The following AKAP13 variants were observed in gnomAD, a reference collection of about 807,000 sequenced individuals.
The protein encoded by AKAP13 is A-kinase anchor protein 13.
In AKAP13, 80 loss-of-function variants were observed where a neutral mutation model predicts 264.5. That is an observed-to-expected ratio of 0.30 (90% CI 0.25 to 0.36). The LOEUF is 0.36. Among genes scored for constraint, AKAP13 ranks in the 10% least tolerant of loss-of-function variants. AKAP13 has a pLI of 1.00. For synonymous variants in AKAP13, 1,380 were observed against 1,250.2 expected, an observed-to-expected ratio of 1.10 and a Z score of -2.19; for missense variants, 3,712 against 3,435.2, an observed-to-expected ratio of 1.08 and a Z score of -2.01.
intron 12 of AKAP13, among the ~76,000 whole-genome samples, chr15:85,660,352 C>CAAAAAA (rs35636118): frequency 1.5e-5 from 1 of 68,544 alleles, no homozygotes. Context: ...ATCTAAGTCT[C>CAAAAAA]AAAAAAAAAA....
At chr15:85,570,172 C>T (rs952402688) in intron 5 of AKAP13, among the ~76,000 whole-genome samples, 2 of 151,632 alleles carry the variant, frequency 1.3e-5, no homozygotes, top group Non-Finnish European at 2.9e-5. Flanking sequence ...AGTAGGAGGC[C>T]GGGTGTGGTG....
chr15:85,465,143 C>T (rs531706368), intron 1 of AKAP13, among the ~76,000 whole-genome samples: 64 of 143,328 alleles, frequency 4.5e-4, no homozygotes, highest in Non-Finnish European at 8.7e-4. Context: ...TTAGTAGAGA[C>T]GGGGTTTCAT....
At chr15:85,446,014 T>G (rs2073886474) in intron 1 of AKAP13, among the ~76,000 whole-genome samples, 1 of 152,216 alleles carries the variant, frequency 6.6e-6, no homozygotes, top group African/African-American at 2.4e-5. Context: ...CTTTTTTCTA[T>G]TTATTTTGAT....
intron 8 of AKAP13, among the ~76,000 whole-genome samples, chr15:85,601,281 A>G (rs1002374207): frequency 2.0e-5 from 3 of 152,216 alleles, no homozygotes; most frequent in Non-Finnish European, 4.4e-5. Context: ...AGTTAACTTC[A>G]TTAGCACATA....
chr15:85,391,317 AGTGGAAAG>A (rs2070843073), intron 1 of AKAP13, among the ~76,000 whole-genome samples: 1 of 152,206 alleles, frequency 6.6e-6, no homozygotes, highest in Admixed American at 6.5e-5. Context: ...TATTGGTGAT[AGTGGAAAG>A]ATAATGACGT....
intron 2 of AKAP13, among the ~76,000 whole-genome samples, chr15:85,495,270 A>G (rs2075839011): frequency 6.6e-6 from 1 of 152,076 alleles, no homozygotes; most frequent in African/African-American, 2.4e-5. Flanking sequence ...TGTTAGAATA[A>G]TGTTCTTTAC....
At chr15:85,619,762 C>T (rs144050745) in intron 8 of AKAP13, 15 of 1,048,102 alleles carry the variant, frequency 1.4e-5, no homozygotes, top group Admixed American at 5.4e-5. Context: ...GTGATGGAAA[C>T]GGTGTTTGCT....
intron 30 of AKAP13, among the ~76,000 whole-genome samples, chr15:85,732,638 C>T (rs1368991627): frequency 6.7e-6 from 1 of 150,104 alleles, no homozygotes; most frequent in African/African-American, 2.4e-5. Flanking sequence ...TCCTTTCTTT[C>T]ACATTGCAAA....
intron 1 of AKAP13, among the ~76,000 whole-genome samples, chr15:85,383,506 G>A (rs2070395921): frequency 6.6e-6 from 1 of 152,172 alleles, no homozygotes; most frequent in Non-Finnish European, 1.5e-5. Context: ...CATGACTTAA[G>A]CATTCTTAAA....
At chr15:85,569,955 T>A (rs1296945018) in intron 5 of AKAP13, among the ~76,000 whole-genome samples, 5 of 151,584 alleles carry the variant, frequency 3.3e-5, no homozygotes, top group Non-Finnish European at 7.4e-5. Flanking sequence ...CGGGCGCCTG[T>A]AGTCCCAGCT....
rs189911761 is a variant in AKAP13, at chr15:85,624,026, G to A, written c.4162-15348G>A. Among the ~76,000 whole-genome samples the A allele has an allele frequency of 2.8e-3, 420 of 152,324 alleles. 2 individuals are homozygous for A. Among genetic ancestry groups the A allele is most frequent in the Non-Finnish European group, 4.5e-3 (309 of 68,038 alleles). On this transcript the variant is annotated intron_variant, in intron 8 of 36. Coordinates refer to ENST00000394518, the MANE Select transcript of AKAP13 (RefSeq NM_007200.5). ...TCAGTAGCCAACTTTAGCTCATGGTGAGCATTACTAGAGGACAGCAGGTAT... is the reference window on the plus strand; with the variant it reads ...TCAGTAGCCAACTTTAGCTCATGGTAAGCATTACTAGAGGACAGCAGGTAT...
At chr15:85,630,775 A>C (rs1023369456) in intron 8 of AKAP13, among the ~76,000 whole-genome samples, 1 of 152,228 alleles carries the variant, frequency 6.6e-6, no homozygotes, top group African/African-American at 2.4e-5. Context: ...GGTAGCTACA[A>C]TAAGAAAGAT....
intron 3 of AKAP13, among the ~76,000 whole-genome samples, chr15:85,532,298 A>T (rs2077266763): frequency 6.6e-6 from 1 of 152,252 alleles, no homozygotes; most frequent in African/African-American, 2.4e-5. Flanking sequence ...CATGGAAGAA[A>T]CATTGTCTCT....
chr15:85,568,528 T>A (rs1460687791), intron 5 of AKAP13, among the ~76,000 whole-genome samples: 1 of 152,104 alleles, frequency 6.6e-6, no homozygotes, highest in Non-Finnish European at 1.5e-5. Flanking sequence ...GAAAAGAACA[T>A]CGGTGAATAC....
intron 5 of AKAP13, among the ~76,000 whole-genome samples, chr15:85,563,547 CCT>C (rs2078492279): frequency 1.3e-5 from 2 of 152,030 alleles, no homozygotes; most frequent in Admixed American, 1.3e-4. Context: ...CTCTTAAAGA[CCT>C]CTTTGCTCCT....
chr15:85,670,858 T>C (rs1037479443), intron 14 of AKAP13: 15 of 152,316 alleles, frequency 9.8e-5, no homozygotes, highest in South Asian at 6.2e-4. Context: ...AGAGATGTCA[T>C]GGCATCCATA....
At chr15:85,409,616 G>A (rs1394146011) in intron 1 of AKAP13, among the ~76,000 whole-genome samples, 4 of 149,084 alleles carry the variant, frequency 2.7e-5, no homozygotes, top group African/African-American at 1.0e-4. Flanking sequence ...CTTTGATGCA[G>A]CTAGTAGTAG....
intron 7 of AKAP13, among the ~76,000 whole-genome samples, chr15:85,583,509 C>T (rs2079207900): frequency 6.6e-6 from 1 of 152,154 alleles, no homozygotes; most frequent in East Asian, 1.9e-4. Context: ...AATGAGGTCT[C>T]TAATTTTTAA....
Position 85,637,904 on chromosome 15 carries a change from T to TA in AKAP13, c.4162-1468dup, listed in dbSNP as rs1243102937. Among the ~76,000 whole-genome samples, 3 of 113,868 alleles carry TA rather than the reference T, an allele frequency of 2.6e-5. No individual in the cohort carries two copies. The South Asian group carries it at 8.5e-4, about 32-fold the overall frequency. The allele number at this position is 113,868 out of a possible 152,430, so 74.7% of individuals were successfully genotyped here. On this transcript the variant is annotated intron_variant, in intron 8 of 36. Coordinates refer to ENST00000394518, the MANE Select transcript of AKAP13 (RefSeq NM_007200.5). ...TAGAAGTTTTTTTTTTTTTTTTTTTTAATCTCTGTCACCCAGGCTGGAGTG... is the reference window on the plus strand; with the variant it reads ...TAGAAGTTTTTTTTTTTTTTTTTTTTAAATCTCTGTCACCCAGGCTGGAGTG...
Sources: allele counts gnomAD v4.1 joint callset (sites outside exome capture counted in the v4.1 genomes callset), GRCh38; gene constraint gnomAD v4.1.1; transcripts MANE v1.5; gene names NCBI Gene and HGNC (gene_info 2026-07-23, HGNC 2026-07-21).